The following METTL6 variants were observed in gnomAD, a reference collection of about 807,000 sequenced individuals.
METTL6 encodes the protein tRNA N(3)-cytidine methyltransferase METTL6.
In METTL6, 22 loss-of-function variants were observed where a neutral mutation model predicts 26.4. The ratio of observed to expected loss-of-function variants is 0.83; its 90% CI spans 0.59 to 1.19. METTL6 has a LOEUF of 1.19. METTL6 is among the 50% of genes most tolerant of loss of function. The pLI, the probability that METTL6 is intolerant of heterozygous loss-of-function variation, is 0.00. For missense variants in METTL6, 304 were observed against 324.8 expected (o/e 0.94, Z 0.49); for synonymous variants, 109 against 116.2 (o/e 0.94, Z 0.40).
At chr3:15,395,458 G>A (rs1699461197) in intron 6 of METTL6, among the ~76,000 whole-genome samples, 1 of 152,134 alleles carries the variant, frequency 6.6e-6, no homozygotes, top group Non-Finnish European at 1.5e-5. Context: ...TATCCAATTT[G>A]CCACTCTGGG....
At position 15,401,237 on chromosome 3, in the gene METTL6, T is replaced by C. The variant is rs1484886683; in HGVS notation, c.*11+10008A>G. Among the ~76,000 whole-genome samples, 9 of 152,106 alleles carry C rather than the reference T, an allele frequency of 5.9e-5. No individual in the cohort carries two copies. In the South Asian group the frequency reaches 1.5e-3, roughly 25 times the overall value. ...TATATTTTTAGTAGAGATGGGGTTT[T>C]ACCATGTTAGCCAGGATGGTCTCGA... is the stretch of plus-strand genomic sequence containing the variant. On this transcript the variant is annotated intron_variant, in intron 6 of 6. Transcript: ENST00000443029.
chr3:15,396,861 A>T (rs937832379), intron 6 of METTL6, among the ~76,000 whole-genome samples: 1 of 152,152 alleles, frequency 6.6e-6, no homozygotes, highest in Non-Finnish European at 1.5e-5. Flanking sequence ...TGTCTCAGAG[A>T]AGTACCTGGC....
At chr3:15,414,466 G>A (rs1459463226) in intron 4 of METTL6, 6 of 552,504 alleles carry the variant, frequency 1.1e-5, no homozygotes, top group African/African-American at 2.1e-5. Context: ...AGTGATTCTC[G>A]TGTCTCAGCC....
intron 6 of METTL6, among the ~76,000 whole-genome samples, chr3:15,402,187 G>A (rs1295371871): frequency 6.6e-6 from 1 of 152,182 alleles, no homozygotes; most frequent in African/African-American, 2.4e-5. Flanking sequence ...AAGAGAAACT[G>A]CACTGGGGAG....
chr3:15,425,085 T>C lies in METTL6; in HGVS notation c.230A>G (p.Glu77Gly), dbSNP rs1177611791. The change falls in exon 3 of 6, where the codon GAA (glutamate) becomes GGA (glycine). Residue 77 changes from glutamate to glycine, a missense_variant. By Grantham distance (98) the Glu-to-Gly change is moderately conservative. Transcript: ENST00000383790. ...TTCAAGCATTGTTAACTTTTGATCTTCAAACTGGGGAAAGACAGCTCAAAG... is the reference window on the plus strand; with the variant it reads ...TTCAAGCATTGTTAACTTTTGATCTCCAAACTGGGGAAAGACAGCTCAAAG... ...FEELRSCREF[E>G]DQKLTMLEAG... is the part of the protein sequence containing the mutation. 1.2e-6 allele frequency: 2 copies of C among 1,613,882 alleles called. No homozygotes were observed. Among genetic ancestry groups the C allele is most frequent in the African/African-American group, 2.7e-5 (2 of 74,890 alleles).
chr3:15,423,706 CTA>C (rs1178990407), intron 3 of METTL6, among the ~76,000 whole-genome samples: 3 of 151,998 alleles, frequency 2.0e-5, no homozygotes, highest in Admixed American at 1.3e-4. Flanking sequence ...GACCTTATCT[CTA>C]AAATAAATAA....
downstream of METTL6, among the ~76,000 whole-genome samples, chr3:15,407,275 C>T (rs1012590511): frequency 6.6e-6 from 1 of 152,186 alleles, no homozygotes; most frequent in Non-Finnish European, 1.5e-5. Flanking sequence ...CCACCCCAGC[C>T]TCCCAAAGTG....
Position 15,411,203 on chromosome 3 carries a change from G to C in METTL6, c.*53C>G, listed in dbSNP as rs1699950736. The C allele has an allele frequency of 2.4e-5, 38 of 1,564,598 alleles. No homozygotes were observed. Among genetic ancestry groups the C allele is most frequent in the Non-Finnish European group, 2.8e-5 (32 of 1,154,652 alleles). ...AGCCACCGCACCCAGACGAAAGAGT[G>C]ATTTTAAATTTTCCTCTTCAAGGGA... On this transcript the variant is annotated 3_prime_UTR_variant, in exon 6 of 6. Coordinates refer to ENST00000383790, the MANE Select transcript of METTL6 (RefSeq NM_152396.4).
chr3:15,425,116 G>A, intron 2 of METTL6, 27 bp from the exon 3 acceptor site: 1 of 1,609,858 alleles, frequency 6.2e-7, no homozygotes, highest in South Asian at 1.1e-5. Context: ...CAAAGTTATA[G>A]TATATCACAT....
intron 5 of METTL6, among the ~76,000 whole-genome samples, chr3:15,413,205 A>C (rs1258334346): frequency 6.6e-6 from 1 of 152,178 alleles, no homozygotes; most frequent in Non-Finnish European, 1.5e-5. Context: ...AGATCATGCC[A>C]CTGCACTCCA....
chr3:15,427,586 C>G (rs569470477), upstream of METTL6: 7 of 585,686 alleles, frequency 1.2e-5, no homozygotes, highest in East Asian at 1.6e-4. Flanking sequence ...ACGGCCTTGC[C>G]TCCTCAGATT....
intron 6 of METTL6, among the ~76,000 whole-genome samples, chr3:15,393,244 T>C (rs1057044090): frequency 7.2e-5 from 11 of 152,216 alleles, no homozygotes; most frequent in African/African-American, 2.2e-4. Context: ...AGGTATTTCA[T>C]TCTCTTTGAA....
chr3:15,425,376 A>G (rs1343244334), intron 2 of METTL6, among the ~76,000 whole-genome samples: 2 of 152,162 alleles, frequency 1.3e-5, no homozygotes, highest in Non-Finnish European at 2.9e-5. Flanking sequence ...AATCACTTAA[A>G]CAGCTCTGTG....
intron 2 of METTL6, among the ~76,000 whole-genome samples, 183 bp downstream of exon 2, chr3:15,426,104 C>CT (rs1426523084): frequency 6.6e-6 from 1 of 152,178 alleles, no homozygotes; most frequent in African/African-American, 2.4e-5. Context: ...CCACACCCAG[C>CT]TAATTTTTGT....
intron 3 of METTL6, among the ~76,000 whole-genome samples, chr3:15,421,712 C>T (rs2061615005): frequency 6.6e-6 from 1 of 151,984 alleles, no homozygotes; most frequent in African/African-American, 2.4e-5. Context: ...GAGTTCAAGA[C>T]CAGCCTGTCC....
At chr3:15,396,715 T>TAA (rs1699499122) in intron 6 of METTL6, among the ~76,000 whole-genome samples, 2 of 152,350 alleles carry the variant, frequency 1.3e-5, no homozygotes, top group African/African-American at 4.8e-5. Context: ...GTCAGGACCC[T>TAA]CAGCTACAGG....
rs181115361 is a variant in METTL6, at chr3:15,395,712, C to T, written c.*12-11525G>A. Among the ~76,000 whole-genome samples the T allele has an allele frequency of 3.2e-3, 488 of 152,240 alleles. 3 individuals are homozygous for T. The highest frequency in any genetic ancestry group is 4.0e-3 in the Non-Finnish European group (273 of 68,024). On this transcript the variant is annotated intron_variant, in intron 6 of 6. Coordinates refer to the METTL6 transcript ENST00000443029. The stretch of plus-strand genomic sequence containing the variant: ...CAGGCCTGGTGGTGACAAAATCTCT[C>T]AGCATTTGCTTGTCTGTATTTTATT...
Position 15,411,275 on chromosome 3 carries a change from C to A in METTL6, c.836G>T (p.Gly279Val). 6.2e-7 allele frequency: 1 copy of A among 1,613,812 alleles called. No individual in the cohort carries two copies. Among genetic ancestry groups the A allele is most frequent in the South Asian group, 1.1e-5 (1 of 91,046 alleles). The change falls in exon 6 of 6, where the codon GGC becomes GTC. Residue 279 changes from glycine to valine, a missense_variant. Gly to Val is a moderately radical substitution (Grantham distance 109). Transcript: ENST00000383790. ...PPKNPSPVVLGLDPKS is the reference protein window; with the variant it reads ...PPKNPSPVVLVLDPKS ...GAAAGGTCAGGACTTAGGATCCAGGCCCAGGACCACAGGAGATGGGTTCTT... is the reference window on the plus strand; with the variant it reads ...GAAAGGTCAGGACTTAGGATCCAGGACCAGGACCACAGGAGATGGGTTCTT...
intron 3 of METTL6, among the ~76,000 whole-genome samples, chr3:15,421,985 G>A (rs1258917090): frequency 6.6e-6 from 1 of 152,022 alleles, no homozygotes; most frequent in African/African-American, 2.4e-5. Flanking sequence ...GGCTGGTAAG[G>A]TTACTATTTT....
Sources: gnomAD v4.1 joint callset for allele counts (sites outside exome capture counted in the v4.1 genomes callset) on GRCh38, gnomAD v4.1.1 for gene constraint, MANE v1.5 for transcripts, NCBI Gene and HGNC (gene_info 2026-07-23, HGNC 2026-07-21) for gene names.